Variants in COL17A1 observed in about 807,000 individuals in gnomAD.
COL17A1 encodes collagen type XVII alpha 1 chain.
A neutral mutation model predicts 218.4 loss-of-function variants in COL17A1; 181 were observed. The ratio of observed to expected loss-of-function variants is 0.83; its 90% CI spans 0.73 to 0.94. COL17A1 has a LOEUF of 0.94. Among genes scored for constraint, COL17A1 ranks in the 40% least tolerant of loss-of-function variants. The pLI is 0.00. For synonymous variants in COL17A1, 721 were observed against 731.0 expected (o/e 0.99, Z 0.22); for missense variants, 1,924 against 1,945.9 (o/e 0.99, Z 0.21).
At chr10:104,047,127 C>T (rs114843489) in intron 31 of COL17A1, among the ~76,000 whole-genome samples, 1,724 of 152,284 alleles carry the variant, frequency 0.011, 34 homozygotes, top group African/African-American at 0.039. Flanking sequence ...TCTGGGCACC[C>T]GCCAAAGGAG....
intron 1 of COL17A1, among the ~76,000 whole-genome samples, chr10:104,082,056 G>T (rs1320485926): frequency 6.6e-6 from 1 of 152,182 alleles, no homozygotes; most frequent in African/African-American, 2.4e-5. Context: ...CGATCTGGTG[G>T]AGTAACCAAG....
In COL17A1 at chr10:104,053,933, T is replaced by A; in HGVS notation, c.1821A>T (p.Gln607His). The A allele has an allele frequency of 6.3e-7, 1 of 1,598,246 alleles. No individual in the cohort carries two copies. Among genetic ancestry groups the A allele is most frequent in the East Asian group, 2.2e-5 (1 of 44,808 alleles). ...GHPGPQGPKG[Q>H]KGSVGDPGME... is the part of the protein sequence containing the mutation. ...TGTGTTTCTTACCCACGCTGCCTTT[T>A]TGACCCTTTGGTCCTTGTGGACCTG... is the stretch of plus-strand genomic sequence containing the variant. The change falls in exon 22 of 56, where the codon CAA (glutamine) becomes CAT (histidine). Residue 607 changes from glutamine to histidine, a missense_variant. Physicochemically the swap from Gln to His is conservative, Grantham distance 24. Coordinates refer to ENST00000648076, the MANE Select transcript of COL17A1 (RefSeq NM_000494.4).
At chr10:104,060,428 A>C (rs2086572945) in intron 13 of COL17A1, 148 bp from the exon 14 acceptor site, 2 of 1,256,508 alleles carry the variant, frequency 1.6e-6, no homozygotes, top group Admixed American at 4.0e-5. Context: ...TCTTGCTGAC[A>C]GTGGTTACTA....
chr10:104,038,615 A>T (rs994404140), intron 44 of COL17A1, 87 bp from the exon 45 acceptor site: 22 of 1,546,718 alleles, frequency 1.4e-5, no homozygotes, highest in Non-Finnish European at 1.9e-5. Flanking sequence ...TGGTCTGAGG[A>T]GGGAGGGTCT....
intron 14 of COL17A1, 69 bp downstream of exon 14, chr10:104,060,050 C>T (rs1432230709): frequency 6.2e-7 from 1 of 1,608,546 alleles, no homozygotes. Context: ...AACCACCTTG[C>T]TAGGACATTT....
rs368453319 is a variant in COL17A1 at position 104,034,638 on chromosome 10, A to G, written c.3749T>C (p.Leu1250Pro). Residue 1250 changes from leucine to proline, a missense_variant, in exon 51 of 56, where the codon CTG becomes CCG. By Grantham distance (98) the Leu-to-Pro change is moderately conservative. Transcript: ENST00000648076. ...GCACCTACTTGTGAGGTAGCTGATCAGCTCGCTCCGGAAGCTGTCGCTGTT... is the reference window on the plus strand; with the variant it reads ...GCACCTACTTGTGAGGTAGCTGATCGGCTCGCTCCGGAAGCTGTCGCTGTT... ...AENSDSFRSE[L>P]ISYLTSPDVR... 2.5e-6 allele frequency: 4 copies of G among 1,610,540 alleles called. No individual in the cohort carries two copies. Among genetic ancestry groups the G allele is most frequent in the Admixed American group, 3.4e-5 (2 of 59,626 alleles).
intron 51 of COL17A1, 111 bp downstream of exon 51, chr10:104,034,510 C>G (rs768983163): frequency 1.3e-6 from 2 of 1,521,996 alleles, no homozygotes; most frequent in Non-Finnish European, 8.9e-7. Flanking sequence ...CTTACCCCAC[C>G]AGTGGCTCTC....
chr10:104,040,374 G>A lies in COL17A1; in HGVS notation c.2738C>T (p.Pro913Leu), dbSNP rs1039494312. The change falls in exon 40 of 56, where the codon CCC (proline) becomes CTC (leucine). Residue 913 changes from proline to leucine, a missense_variant. Transcript: ENST00000648076. Reference sequence around the variant, plus strand: ...ACCTTGGTCTCCCTTGGGACCTGGGGGGCCAGGTGGGCCTGGGGGGCCGGA... The same window carrying A: ...ACCTTGGTCTCCCTTGGGACCTGGGAGGCCAGGTGGGCCTGGGGGGCCGGA... Reference protein sequence around the residue: ...FLSGPPGPPGPPGPKGDQGPP... With the variant: ...FLSGPPGPPGLPGPKGDQGPP... 6.2e-7 allele frequency: 1 copy of A among 1,610,838 alleles called. No individual in the cohort carries two copies. Among genetic ancestry groups the A allele is most frequent in the Non-Finnish European group, 8.5e-7 (1 of 1,177,110 alleles).
intron 52 of COL17A1, 107 bp from the exon 53 acceptor site, chr10:104,033,482 G>C: frequency 1.5e-6 from 2 of 1,356,936 alleles, no homozygotes; most frequent in Non-Finnish European, 2.0e-6. Context: ...AGTTGAACTA[G>C]ATCAAGCCGC....
intron 29 of COL17A1, among the ~76,000 whole-genome samples, chr10:104,048,969 G>A (rs929011096): frequency 2.6e-5 from 4 of 152,036 alleles, no homozygotes; most frequent in Middle Eastern, 3.2e-3. Context: ...GATTACAGGC[G>A]TGAATCACTG....
intron 9 of COL17A1, among the ~76,000 whole-genome samples, chr10:104,067,899 A>G (rs1244495394): frequency 2.0e-5 from 3 of 152,190 alleles, no homozygotes; most frequent in African/African-American, 7.2e-5. Flanking sequence ...AAAGACAGAG[A>G]TCAAAGACAC....
At position 104,035,219 on chromosome 10, in the gene COL17A1, G is replaced by A. The variant is rs779675607; in HGVS notation, c.3619+44C>T. The A allele has an allele frequency of 3.5e-5, 54 of 1,539,788 alleles. No homozygotes were observed. In the Middle Eastern group the frequency reaches 7.3e-4, roughly 21 times the overall value. On this transcript the variant is annotated intron_variant, in intron 50 of 55. Coordinates refer to ENST00000648076, the MANE Select transcript of COL17A1 (RefSeq NM_000494.4). ...AAGCCCATGGGAGCCCCCAAGGCCC[G>A]GCTGCATCCCCTGCCCTCCCCATCC...
chr10:104,081,446 G>A (rs2086763754), intron 1 of COL17A1, among the ~76,000 whole-genome samples: 1 of 152,186 alleles, frequency 6.6e-6, no homozygotes, highest in Non-Finnish European at 1.5e-5. Flanking sequence ...CCTCAGCATG[G>A]ATGGTATGAG....
chr10:104,083,572 T>C (rs2086782810), intron 1 of COL17A1, among the ~76,000 whole-genome samples: 1 of 152,238 alleles, frequency 6.6e-6, no homozygotes, highest in African/African-American at 2.4e-5. Flanking sequence ...TAAATCATTT[T>C]TCTACTTTTA....
chr10:104,037,264 C>A, intron 46 of COL17A1, 151 bp from the exon 47 acceptor site: 1 of 743,904 alleles, frequency 1.3e-6, no homozygotes, highest in Non-Finnish European at 2.3e-6. Flanking sequence ...GAAAGCATAA[C>A]AAAGTCAAAT....
chr10:104,059,645 T>C lies in COL17A1; in HGVS notation c.1215A>G (p.Glu405=). 3.1e-6 allele frequency: 5 copies of C among 1,614,180 alleles called. No homozygotes were observed. Among genetic ancestry groups the C allele is most frequent in the Non-Finnish European group, 4.2e-6 (5 of 1,179,968 alleles). Residue 405 remains glutamate (E), a synonymous_variant, in exon 15 of 56, where the codon GAA becomes GAG. Coordinates refer to ENST00000648076, the MANE Select transcript of COL17A1 (RefSeq NM_000494.4). The stretch of plus-strand genomic sequence containing the variant: ...AATCATATTTGTTCTTACCATTAGC[T>C]TCGGCTTTTAGGCCTGAGTCAGCAT... The part of the protein sequence containing the change: ...AYNADSGLKA[E]ANGDLKTVST...
chr10:104,034,521 G>T, intron 51 of COL17A1, 100 bp downstream of exon 51: 1 of 1,534,764 alleles, frequency 6.5e-7, no homozygotes, highest in Non-Finnish European at 8.8e-7. Context: ...AGTGGCTCTC[G>T]TGTGGCCTTC....
intron 35 of COL17A1, among the ~76,000 whole-genome samples, chr10:104,042,701 T>G (rs572288007): frequency 2.6e-5 from 4 of 152,364 alleles, no homozygotes; most frequent in African/African-American, 9.6e-5. Context: ...GGTTAGGGAC[T>G]TCTACATGCC....
intron 16 of COL17A1, 92 bp from the exon 17 acceptor site, chr10:104,057,264 GT>G (rs1403269400): frequency 1.0e-5 from 16 of 1,601,524 alleles, no homozygotes; most frequent in Non-Finnish European, 1.4e-5. Flanking sequence ...TCTGGCCTGA[GT>G]GACTACGACT....
Sources: allele counts gnomAD v4.1 joint callset (sites outside exome capture counted in the v4.1 genomes callset), GRCh38; gene constraint gnomAD v4.1.1; transcripts MANE v1.5; gene names NCBI Gene and HGNC (gene_info 2026-07-23, HGNC 2026-07-21).